Variants in LINGO1 observed in about 807,000 individuals in gnomAD.
The protein encoded by LINGO1 is leucine-rich repeat and immunoglobulin-like domain-containing nogo receptor-interacting protein 1.
LINGO1 carries 11 observed loss-of-function variants against 37.3 expected under a neutral mutation model. The observed-to-expected ratio is 0.29, with a 90% CI of 0.19 to 0.49. LINGO1 has a LOEUF of 0.49. Among genes scored for constraint, LINGO1 ranks in the 20% least tolerant of loss-of-function variants. The probability of loss-of-function intolerance (pLI) is 0.99; values close to 1 mark genes in which losing one functional copy is unlikely to be tolerated. For synonymous variants in LINGO1, 387 were observed against 403.0 expected (o/e 0.96, Z 0.48); for missense variants, 585 against 878.2 (o/e 0.67, Z 4.22).
chr15:77,782,209 GCGTACA>G (rs1043536631), intron 1 of LINGO1, among the ~76,000 whole-genome samples: 8 of 70,864 alleles, frequency 1.1e-4, no homozygotes, highest in African/African-American at 1.9e-4. Flanking sequence ...GTGTGCGCAC[GCGTACA>G]CACACACACA....
chr15:77,761,658 G>T (rs1484047322), intron 1 of LINGO1, among the ~76,000 whole-genome samples: 1 of 152,208 alleles, frequency 6.6e-6, no homozygotes, highest in South Asian at 2.1e-4. Flanking sequence ...GTGCTCAAAG[G>T]AGAGATTCTG....
At chr15:77,744,656 G>A (rs1184400892) in intron 1 of LINGO1, among the ~76,000 whole-genome samples, 1 of 152,254 alleles carries the variant, frequency 6.6e-6, no homozygotes, top group Non-Finnish European at 1.5e-5. Context: ...AAGACTGTGA[G>A]CTAGGTTCTA....
intron 3 of LINGO1, among the ~76,000 whole-genome samples, chr15:77,674,555 C>T (rs1262178187): frequency 1.3e-5 from 2 of 152,122 alleles, no homozygotes; most frequent in African/African-American, 4.8e-5. Context: ...GCCACACCAA[C>T]CAGCCTTCTT....
intron 2 of LINGO1, among the ~76,000 whole-genome samples, chr15:77,688,642 G>A (rs941399583): frequency 6.6e-6 from 1 of 152,128 alleles, no homozygotes; most frequent in Non-Finnish European, 1.5e-5. Context: ...GGCTGCAGTC[G>A]GCACTGAATG....
At chr15:77,721,893 C>A (rs1342006839) in intron 2 of LINGO1, among the ~76,000 whole-genome samples, 1 of 152,028 alleles carries the variant, frequency 6.6e-6, no homozygotes, top group African/African-American at 2.4e-5. Flanking sequence ...CCTATCCACC[C>A]CAACCTCTAA....
At chr15:77,763,030 G>A (rs1234507677) in intron 1 of LINGO1, among the ~76,000 whole-genome samples, 1 of 152,232 alleles carries the variant, frequency 6.6e-6, no homozygotes, top group Non-Finnish European at 1.5e-5. Context: ...TCAGAGAACT[G>A]CCGAGAAAGG....
rs2075929740 is a variant in LINGO1, at chr15:77,712,427, C to G, written c.-194-21526G>C. 2.0e-5 allele frequency among the ~76,000 whole-genome samples: 3 copies of G among 152,190 alleles called. No homozygotes were observed. In the South Asian group the frequency reaches 6.2e-4, roughly 32 times the overall value. On this transcript the variant is annotated intron_variant, in intron 2 of 3. Coordinates refer to the LINGO1 transcript ENST00000561686. ...CTTGCCCCCCTCCCCCTAAGCAGTA[C>G]TTTCATAAAACCCCAACCTGGATGA...
chr15:77,664,170 T>TGTGTGTGTGTGCGCGCGCGCGCGCGC, intron 3 of LINGO1, among the ~76,000 whole-genome samples: 3 of 130,944 alleles, frequency 2.3e-5, no homozygotes, highest in African/African-American at 1.1e-4. Context: ...TGTGTGTGTG[T>TGTGTGTGTGTGCGCGCGCGCGCGCGC]GCGCGCGCGC....
intron 2 of LINGO1, among the ~76,000 whole-genome samples, chr15:77,705,590 G>T (rs779220242): frequency 6.6e-6 from 1 of 152,252 alleles, no homozygotes; most frequent in Non-Finnish European, 1.5e-5. Flanking sequence ...AGACCAAGAA[G>T]GTGAGGTGGC....
chr15:77,771,966 T>C (rs1226765944), intron 1 of LINGO1, among the ~76,000 whole-genome samples: 2 of 152,240 alleles, frequency 1.3e-5, no homozygotes, highest in Middle Eastern at 3.4e-3. Context: ...CAAGGTCTGG[T>C]AGACTCATTG....
chr15:77,731,122 C>G (rs1332100709), intron 2 of LINGO1, among the ~76,000 whole-genome samples: 1 of 152,208 alleles, frequency 6.6e-6, no homozygotes, highest in Non-Finnish European at 1.5e-5. Context: ...CTTCCAGCCC[C>G]CCAGACACCC....
chr15:77,777,829 G>A (rs984330757), intron 1 of LINGO1, among the ~76,000 whole-genome samples: 7 of 152,058 alleles, frequency 4.6e-5, no homozygotes, highest in African/African-American at 1.7e-4. Flanking sequence ...AGGCTGAGGT[G>A]AGAGGATCAC....
At chr15:77,650,057 C>G (rs1163015228) in intron 3 of LINGO1, among the ~76,000 whole-genome samples, 2 of 152,238 alleles carry the variant, frequency 1.3e-5, no homozygotes, top group African/African-American at 2.4e-5. Flanking sequence ...CCCACACATT[C>G]TCACATAAGC....
At chr15:77,631,481 C>T (rs926902665) in intron 1 of LINGO1, among the ~76,000 whole-genome samples, 3 of 152,162 alleles carry the variant, frequency 2.0e-5, no homozygotes, top group East Asian at 1.9e-4. Flanking sequence ...CTGGCCTGGC[C>T]CCACCCCTCC....
chr15:77,790,827 T>G (rs1004627660), upstream of LINGO1, among the ~76,000 whole-genome samples: 1 of 152,076 alleles, frequency 6.6e-6, no homozygotes, highest in Admixed American at 6.5e-5. Flanking sequence ...GGAAGAGCCA[T>G]GTAAGAGCTC....
At chr15:77,769,429 C>T (rs937884767) in intron 1 of LINGO1, among the ~76,000 whole-genome samples, 1 of 152,206 alleles carries the variant, frequency 6.6e-6, no homozygotes, top group African/African-American at 2.4e-5. Context: ...GCCTCCCACT[C>T]GCACACCCTG....
intron 2 of LINGO1, among the ~76,000 whole-genome samples, chr15:77,681,971 AT>A (rs2075421850): frequency 1.3e-5 from 2 of 152,078 alleles, no homozygotes; most frequent in Admixed American, 6.5e-5. Context: ...GGTTTCCAGG[AT>A]GGGGAAGCTG....
intron 1 of LINGO1, among the ~76,000 whole-genome samples, chr15:77,741,805 C>T (rs1488043072): frequency 3.3e-5 from 5 of 152,232 alleles, no homozygotes; most frequent in African/African-American, 4.8e-5. Flanking sequence ...GCCAAAGAAG[C>T]CCTTGTCCCC....
chr15:77,788,707 T>A (rs11635079), upstream of LINGO1: 27,870 of 152,120 alleles, frequency 0.18, 2,989 homozygotes, highest in Admixed American at 0.32. Context: ...TTCTCTCCTG[T>A]GAGCCTAACC....
Sources: gnomAD v4.1 joint callset for allele counts (sites outside exome capture counted in the v4.1 genomes callset) on GRCh38, gnomAD v4.1.1 for gene constraint, MANE v1.5 for transcripts, NCBI Gene and HGNC (gene_info 2026-07-23, HGNC 2026-07-21) for gene names.